DPYD: variants seen among roughly 807,000 people sequenced by gnomAD.
The protein encoded by DPYD is dihydropyrimidine dehydrogenase [NADP(+)].
A neutral mutation model predicts 116.2 loss-of-function variants in DPYD; 109 were observed. That is an observed-to-expected ratio of 0.94 (90% CI 0.80 to 1.10). The LOEUF is 1.10. Ranked by LOEUF, DPYD falls within the 50% of genes least tolerant of loss-of-function variation. The probability of loss-of-function intolerance (pLI) is 0.00; values close to 1 mark genes in which losing one functional copy is unlikely to be tolerated. For synonymous variants in DPYD, 440 were observed against 432.0 expected (o/e 1.02, Z -0.23); for missense variants, 1,302 against 1,254.5 (o/e 1.04, Z -0.57).
At chr1:97,695,034 T>C (rs969954950) in intron 6 of DPYD, among the ~76,000 whole-genome samples, 6 of 152,188 alleles carry the variant, frequency 3.9e-5, no homozygotes, top group African/African-American at 1.4e-4. Context: ...AACTGCTGAT[T>C]CAGCTACAGG....
intron 8 of DPYD, among the ~76,000 whole-genome samples, chr1:97,645,510 A>C (rs1658206900): frequency 1.3e-5 from 2 of 152,200 alleles, no homozygotes; most frequent in South Asian, 4.1e-4. Flanking sequence ...TCTTTTCTAC[A>C]CTGATTTCAA....
At chr1:97,136,947 G>C (rs1191477755) in intron 20 of DPYD, among the ~76,000 whole-genome samples, 1 of 152,098 alleles carries the variant, frequency 6.6e-6, no homozygotes, top group Non-Finnish European at 1.5e-5. Flanking sequence ...ATATTTACAA[G>C]TGACACAAAT....
chr1:97,101,629 T>G (rs1331748860), intron 20 of DPYD, among the ~76,000 whole-genome samples: 1 of 151,998 alleles, frequency 6.6e-6, no homozygotes, highest in Non-Finnish European at 1.5e-5. Flanking sequence ...CCTGAACATA[T>G]AGTTAATTGA....
At chr1:97,648,980 C>T (rs1004318969) in intron 8 of DPYD, among the ~76,000 whole-genome samples, 1 of 151,888 alleles carries the variant, frequency 6.6e-6, no homozygotes, top group African/African-American at 2.4e-5. Flanking sequence ...AGTAAGTACA[C>T]CCAGATCTTA....
intron 14 of DPYD, among the ~76,000 whole-genome samples, chr1:97,437,507 T>C (rs1254668458): frequency 6.6e-6 from 1 of 151,924 alleles, no homozygotes; most frequent in Non-Finnish European, 1.5e-5. Flanking sequence ...AAATAAAACT[T>C]CTATGAACAT....
intron 7 of DPYD, among the ~76,000 whole-genome samples, chr1:97,689,078 T>C (rs1660880834): frequency 6.6e-6 from 1 of 151,390 alleles, no homozygotes; most frequent in African/African-American, 2.4e-5. Context: ...CTTTTTTTTT[T>C]TAACATACTA....
chr1:97,283,588 TTA>T (rs1161575064), intron 18 of DPYD, among the ~76,000 whole-genome samples: 1 of 152,054 alleles, frequency 6.6e-6, no homozygotes, highest in African/African-American at 2.4e-5. Flanking sequence ...AAATGCCATA[TTA>T]TGAGTCTTTT....
chr1:97,512,111 C>A (rs1216077582), intron 13 of DPYD, among the ~76,000 whole-genome samples: 2 of 151,852 alleles, frequency 1.3e-5, no homozygotes, highest in East Asian at 3.9e-4. Context: ...CCAAAAAAAT[C>A]TATGTATTCA....
chr1:97,800,911 C>T (rs1188709322), intron 3 of DPYD, among the ~76,000 whole-genome samples: 1 of 151,920 alleles, frequency 6.6e-6, no homozygotes, highest in Non-Finnish European at 1.5e-5. Context: ...TAACATTTCT[C>T]CCTGAGTCTT....
At chr1:97,096,775 A>C (rs1291340852) in intron 21 of DPYD, among the ~76,000 whole-genome samples, 2 of 152,100 alleles carry the variant, frequency 1.3e-5, no homozygotes, top group Non-Finnish European at 2.9e-5. Flanking sequence ...AGGGAATAAA[A>C]GCTGGCCACC....
intron 6 of DPYD, among the ~76,000 whole-genome samples, chr1:97,693,030 C>G (rs1347676939): frequency 6.6e-6 from 1 of 151,976 alleles, no homozygotes. Flanking sequence ...GTGGCTCACG[C>G]CTGTAATTCC....
chr1:97,520,710 G>A (rs904642290), intron 12 of DPYD, among the ~76,000 whole-genome samples: 27 of 151,118 alleles, frequency 1.8e-4, no homozygotes, highest in African/African-American at 6.3e-4. Context: ...CCACATATAA[G>A]TGATAATATG....
chr1:97,700,579 G>C (rs768602312), intron 5 of DPYD, among the ~76,000 whole-genome samples: 49 of 152,052 alleles, frequency 3.2e-4, no homozygotes, highest in Non-Finnish European at 2.6e-4. Flanking sequence ...TGTTATCTAT[G>C]TACCAAACGA....
chr1:97,507,886 CAG>C (rs1260504384), intron 13 of DPYD, among the ~76,000 whole-genome samples: 1 of 151,844 alleles, frequency 6.6e-6, no homozygotes, highest in Non-Finnish European at 1.5e-5. Flanking sequence ...AAAAGAAAAA[CAG>C]AACTATTTAG....
At chr1:97,727,101 G>GA (rs1297442956) in intron 4 of DPYD, among the ~76,000 whole-genome samples, 4 of 151,050 alleles carry the variant, frequency 2.6e-5, no homozygotes, top group East Asian at 1.9e-4. Context: ...TTATTTTTTT[G>GA]AAAAAAACAA....
chr1:97,921,042 G>A, upstream of DPYD: 3 of 1,309,096 alleles, frequency 2.3e-6, no homozygotes, highest in Non-Finnish European at 2.1e-6. Context: ...ACTAGGGCCG[G>A]CGGCGCGGGG....
chr1:97,559,984 TAA>T (rs1652027796), intron 11 of DPYD, among the ~76,000 whole-genome samples: 1 of 152,164 alleles, frequency 6.6e-6, no homozygotes, highest in Non-Finnish European at 1.5e-5. Context: ...GAGATTGAGA[TAA>T]GTTACCAAGG....
At chr1:97,659,101 A>G (rs1200837114) in intron 8 of DPYD, among the ~76,000 whole-genome samples, 1 of 152,064 alleles carries the variant, frequency 6.6e-6, no homozygotes, top group East Asian at 1.9e-4. Flanking sequence ...GGACCTACCC[A>G]TTGTGCGCCC....
intron 3 of DPYD, among the ~76,000 whole-genome samples, chr1:97,743,725 G>C (rs1664392010): frequency 6.6e-6 from 1 of 152,034 alleles, no homozygotes; most frequent in Non-Finnish European, 1.5e-5. Flanking sequence ...ACAGTACTTA[G>C]GGGAATATGT....
Sources: gnomAD v4.1 joint callset for allele counts (sites outside exome capture counted in the v4.1 genomes callset) on GRCh38, gnomAD v4.1.1 for gene constraint, MANE v1.5 for transcripts, NCBI Gene and HGNC (gene_info 2026-07-23, HGNC 2026-07-21) for gene names.